Variants in NECAB2 observed in about 807,000 individuals in gnomAD.
NECAB2 encodes the protein N-terminal EF-hand calcium binding protein 2.
A neutral mutation model predicts 51.9 loss-of-function variants in NECAB2; 68 were observed. The ratio of observed to expected loss-of-function variants is 1.31; its 90% CI spans 1.08 to 1.60. NECAB2 has a LOEUF of 1.60. NECAB2 is among the 40% of genes most tolerant of loss of function. NECAB2 has a pLI of 0.00. For synonymous variants in NECAB2, 329 were observed against 203.5 expected (o/e 1.62, Z -5.25); for missense variants, 854 against 490.3 (o/e 1.74, Z -7.00).
chr16:83,985,562 G>A (rs2084542717), intron 5 of NECAB2, among the ~76,000 whole-genome samples: 1 of 151,714 alleles, frequency 6.6e-6, no homozygotes, highest in African/African-American at 2.4e-5. Context: ...GAACCCGGGA[G>A]GTGGAGGTTG....
intron 1 of NECAB2, among the ~76,000 whole-genome samples, chr16:83,969,479 G>A (rs1274398629): frequency 8.6e-6 from 1 of 115,976 alleles, no homozygotes; most frequent in African/African-American, 3.3e-5. Context: ...TCCCCACCCC[G>A]CCCCCTTCCA....
intron 5 of NECAB2, among the ~76,000 whole-genome samples, chr16:83,984,064 C>T (rs1392108433): frequency 3.3e-5 from 5 of 150,674 alleles, no homozygotes; most frequent in Admixed American, 2.6e-4. Context: ...GGCACAGTCC[C>T]AGCTCACTGC....
intron 2 of NECAB2, among the ~76,000 whole-genome samples, chr16:83,974,695 C>G (rs1390851148): frequency 1.3e-5 from 2 of 152,168 alleles, no homozygotes; most frequent in Admixed American, 1.3e-4. Context: ...GCGGTGCAGG[C>G]AGGTTCTGAT....
intron 8 of NECAB2, among the ~76,000 whole-genome samples, 169 bp from the exon 9 acceptor site, chr16:83,997,047 T>G (rs2292327): frequency 3.3e-5 from 5 of 151,774 alleles, no homozygotes; most frequent in African/African-American, 1.2e-4. Context: ...CTAGGCCCCC[T>G]GTAGGCCAGA....
chr16:83,986,115 A>G (rs1410387058), intron 5 of NECAB2, among the ~76,000 whole-genome samples: 3 of 152,098 alleles, frequency 2.0e-5, no homozygotes, highest in Non-Finnish European at 2.9e-5. Flanking sequence ...TTCCTGGGTT[A>G]AAGCGATTCT....
chr16:83,998,802 C>G (rs1165715504), intron 10 of NECAB2, among the ~76,000 whole-genome samples: 1 of 92,250 alleles, frequency 1.1e-5, no homozygotes, highest in Admixed American at 9.6e-5. Context: ...AGTTGCCCTT[C>G]TCCCCCTGAT....
At chr16:83,970,585 C>T (rs927681467) in intron 1 of NECAB2, among the ~76,000 whole-genome samples, 1 of 152,158 alleles carries the variant, frequency 6.6e-6, no homozygotes, top group African/African-American at 2.4e-5. Flanking sequence ...GGCATCTGTC[C>T]TTTACCCCAA....
Position 83,998,285 on chromosome 16 carries a change from G to T in NECAB2, c.930G>T (p.Leu310=), listed in dbSNP as rs763069872. ...TTCTGGACTCTCTGCGCCAGTATCT[G>T]CGGGGGACCACTGGCGTGAGGAACT... ...SEFLDSLRQY[L]RGTTGVRNCF... is the part of the protein sequence containing the mutation. The change falls in exon 10 of 13, where the codon CTG becomes CTT. Residue 310 remains leucine, a synonymous_variant. Coordinates refer to ENST00000305202, the MANE Select transcript of NECAB2 (RefSeq NM_019065.3). 18 of 1,613,450 alleles carry T rather than the reference G, an allele frequency of 1.1e-5. No individual in the cohort carries two copies. Among genetic ancestry groups the T allele is most frequent in the Non-Finnish European group, 1.4e-5 (17 of 1,180,018 alleles).
chr16:83,966,060 A>C, upstream of NECAB2: 1 of 1,353,222 alleles, frequency 7.4e-7, no homozygotes, highest in Non-Finnish European at 9.9e-7. Flanking sequence ...AGATGACCAC[A>C]TCCCTGCTGG....
At chr16:83,974,763 A>G (rs2084386408) in intron 2 of NECAB2, among the ~76,000 whole-genome samples, 1 of 152,058 alleles carries the variant, frequency 6.6e-6, no homozygotes, top group African/African-American at 2.4e-5. Flanking sequence ...GTGGGTATAG[A>G]TAGGGGAGTG....
chr16:83,993,352 C>T (rs530531108), intron 6 of NECAB2: 1 of 152,338 alleles, frequency 6.6e-6, no homozygotes, highest in East Asian at 1.9e-4. Context: ...AGGCGGGAGT[C>T]GAGTTTGCTC....
intron 1 of NECAB2, among the ~76,000 whole-genome samples, chr16:83,971,180 G>A (rs1452476207): frequency 6.6e-6 from 1 of 152,164 alleles, no homozygotes; most frequent in Non-Finnish European, 1.5e-5. Flanking sequence ...TGCAGAGTAG[G>A]TGGGACATCC....
chr16:84,000,974 C>G (rs369863639), intron 11 of NECAB2, among the ~76,000 whole-genome samples, 173 bp downstream of exon 11: 1 of 127,050 alleles, frequency 7.9e-6, no homozygotes, highest in African/African-American at 4.9e-5. Context: ...GAGGCAGGAG[C>G]TCTTGGTGGG....
chr16:83,989,579 A>T lies in NECAB2; in HGVS notation c.460-915A>T, dbSNP rs117466555. Among the ~76,000 whole-genome samples the T allele has an allele frequency of 4.2e-3, 644 of 152,318 alleles. 1 individual carries two copies. The highest frequency in any genetic ancestry group is 7.8e-3 in the Non-Finnish European group (533 of 68,028). The stretch of plus-strand genomic sequence containing the variant: ...TGGCTTGGGAAGGCGGGGTCTTGGC[A>T]GAGGAGGCCAGGAGAGCAGGGCAGG... On this transcript the variant is annotated intron_variant, in intron 5 of 12. Coordinates refer to ENST00000305202, the MANE Select transcript of NECAB2 (RefSeq NM_019065.3).
At chr16:83,976,754 C>T (rs574640912) in intron 2 of NECAB2, among the ~76,000 whole-genome samples, 1 of 152,272 alleles carries the variant, frequency 6.6e-6, no homozygotes, top group African/African-American at 2.4e-5. Context: ...CGTTCATATT[C>T]TTTACCGGTC....
chr16:83,965,388 T>C, upstream of NECAB2: 1 of 1,574,874 alleles, frequency 6.3e-7, no homozygotes, highest in South Asian at 1.2e-5. Context: ...CTGTCTGCCC[T>C]GGAGGCCGCC....
intron 1 of NECAB2, 86 bp downstream of exon 1, chr16:83,968,935 C>T (rs1278297626): frequency 4.4e-6 from 4 of 900,768 alleles, no homozygotes; most frequent in Non-Finnish European, 5.4e-6. Flanking sequence ...CCCGACGCCG[C>T]GACCCGCGAG....
chr16:83,989,659 G>C lies in NECAB2; in HGVS notation c.460-835G>C, dbSNP rs77707336. 6.4e-3 allele frequency among the ~76,000 whole-genome samples: 969 copies of C among 152,250 alleles called. 7 individuals are homozygous for C. Among genetic ancestry groups the C allele is most frequent in the African/African-American group, 0.021 (888 of 41,526 alleles). ...GCATCATTTTCATCATCCCGTCCTT[G>C]AGCGACGTGGGTAAGCAGAGCTTTC... On this transcript the variant is annotated intron_variant, in intron 5 of 12. Transcript: ENST00000305202.
intron 2 of NECAB2, among the ~76,000 whole-genome samples, chr16:83,977,019 G>A (rs1331505856): frequency 2.6e-5 from 4 of 152,254 alleles, no homozygotes; most frequent in Non-Finnish European, 1.5e-5. Context: ...GAAATGGAGG[G>A]TTTCAAATCC....
Sources: allele counts gnomAD v4.1 joint callset (sites outside exome capture counted in the v4.1 genomes callset), GRCh38; gene constraint gnomAD v4.1.1; transcripts MANE v1.5; gene names NCBI Gene and HGNC (gene_info 2026-07-23, HGNC 2026-07-21).